MBNL2: variants seen among roughly 807,000 people sequenced by gnomAD.
The protein encoded by MBNL2 is muscleblind like splicing regulator 2.
Under a neutral mutation model 41.9 loss-of-function variants are expected in MBNL2, and 17 were observed. The ratio of observed to expected loss-of-function variants is 0.41; its 90% CI spans 0.28 to 0.61. The LOEUF is 0.61. MBNL2 is among the 20% of genes least tolerant of loss of function. The probability of loss-of-function intolerance (pLI) is 0.35; values close to 1 mark genes in which losing one functional copy is unlikely to be tolerated. For synonymous variants in MBNL2, 195 were observed against 182.9 expected (o/e 1.07, Z -0.53); for missense variants, 336 against 505.6 (o/e 0.66, Z 3.22).
chr13:97,187,693 G>A, the MBNL2 span, among the ~76,000 whole-genome samples: 1 of 149,968 alleles, frequency 6.7e-6, no homozygotes, highest in African/African-American at 2.4e-5. Flanking sequence ...AGATCACCAG[G>A]TCAGGAGATC....
In MBNL2 at chr13:97,328,141, A is replaced by G. The variant is rs74106916; in HGVS notation, c.175-6135A>G. On this transcript the variant is annotated intron_variant, in intron 2 of 8. Transcript: ENST00000679496. ...ACAGCAGCGCTGCATTTTAAATCCA[A>G]TTAGTCCAGTTCTGAGACGGTTTCC... Among the ~76,000 whole-genome samples, 203 of 149,874 alleles carry G rather than the reference A, an allele frequency of 1.4e-3. 1 individual carries two copies. Among genetic ancestry groups the G allele is most frequent in the African/African-American group, 4.6e-3 (188 of 40,622 alleles).
intron 1 of MBNL2, among the ~76,000 whole-genome samples, chr13:97,256,518 A>C (rs2047565071): frequency 6.6e-6 from 1 of 152,212 alleles, no homozygotes; most frequent in South Asian, 2.1e-4. Flanking sequence ...TACTGGAAAA[A>C]GTGAAGCAGA....
chr13:97,170,913 C>T, the MBNL2 span, among the ~76,000 whole-genome samples: 7 of 152,178 alleles, frequency 4.6e-5, no homozygotes, highest in Admixed American at 4.6e-4. Flanking sequence ...ATAAACATGT[C>T]TCCCAAAGCT....
the MBNL2 span, among the ~76,000 whole-genome samples, chr13:97,205,007 A>C: frequency 6.6e-6 from 1 of 152,026 alleles, no homozygotes; most frequent in Middle Eastern, 3.4e-3. Flanking sequence ...TGCCATCTTT[A>C]CTGAAAATAC....
At chr13:97,179,849 G>C in the MBNL2 span, among the ~76,000 whole-genome samples, 3 of 152,182 alleles carry the variant, frequency 2.0e-5, no homozygotes, top group Non-Finnish European at 2.9e-5. Context: ...AGAGAGTTAG[G>C]GGGTCAGTGA....
chr13:97,222,586 G>T, intron 1 of MBNL2, 55 bp downstream of exon 1: 2 of 395,956 alleles, frequency 5.1e-6, no homozygotes, highest in Admixed American at 4.4e-5. Flanking sequence ...GCAGTATGCT[G>T]CATTCCATGT....
the MBNL2 span, among the ~76,000 whole-genome samples, chr13:97,210,412 G>T: frequency 6.6e-6 from 1 of 152,002 alleles, no homozygotes; most frequent in African/African-American, 2.4e-5. Flanking sequence ...TGTCTTTGTG[G>T]CATAGCTTGT....
At chr13:97,380,856 C>T (rs1458507065) in intron 8 of MBNL2, among the ~76,000 whole-genome samples, 1 of 152,132 alleles carries the variant, frequency 6.6e-6, no homozygotes, top group Admixed American at 6.5e-5. Flanking sequence ...TGAGGGCTTA[C>T]TGGGGAGGGC....
intron 1 of MBNL2, among the ~76,000 whole-genome samples, chr13:97,270,498 T>C (rs1304491814): frequency 1.3e-5 from 2 of 152,208 alleles, no homozygotes; most frequent in Non-Finnish European, 2.9e-5. Context: ...AAAGTAAATT[T>C]ATATACTCAA....
chr13:97,354,304 G>A (rs376260439), intron 5 of MBNL2, among the ~76,000 whole-genome samples: 7 of 152,180 alleles, frequency 4.6e-5, no homozygotes, highest in African/African-American at 1.7e-4. Context: ...ATATGCAGCA[G>A]TCAAAATCAC....
intron 2 of MBNL2, among the ~76,000 whole-genome samples, chr13:97,295,583 G>T (rs931925900): frequency 6.6e-6 from 1 of 152,126 alleles, no homozygotes; most frequent in Admixed American, 6.5e-5. Flanking sequence ...TATCAAAAGG[G>T]TGTTGAGCTG....
intron 2 of MBNL2, among the ~76,000 whole-genome samples, chr13:97,293,397 G>A (rs1172445953): frequency 6.6e-6 from 1 of 151,996 alleles, no homozygotes; most frequent in African/African-American, 2.4e-5. Flanking sequence ...AAATAAAAAG[G>A]TACAGTTTTT....
the MBNL2 span, among the ~76,000 whole-genome samples, chr13:97,207,169 G>A: frequency 1.3e-5 from 2 of 152,190 alleles, no homozygotes; most frequent in South Asian, 2.1e-4. Context: ...CACACTCTAT[G>A]ATGGGCACTA....
chr13:97,184,069 C>A, the MBNL2 span, among the ~76,000 whole-genome samples: 2 of 152,246 alleles, frequency 1.3e-5, no homozygotes, highest in African/African-American at 4.8e-5. Flanking sequence ...CTATCTGATC[C>A]AAACCATGGG....
the MBNL2 span, among the ~76,000 whole-genome samples, chr13:97,188,662 CA>C: frequency 2.0e-5 from 3 of 149,766 alleles, no homozygotes; most frequent in Non-Finnish European, 4.4e-5. Flanking sequence ...AAAAAAAAGG[CA>C]AAGAGAACAT....
At chr13:97,181,122 C>T in the MBNL2 span, among the ~76,000 whole-genome samples, 19 of 151,970 alleles carry the variant, frequency 1.3e-4, no homozygotes, top group South Asian at 3.1e-3. Context: ...ACTTCTGCTT[C>T]CATTGTCACA....
At chr13:97,196,049 G>A in the MBNL2 span, among the ~76,000 whole-genome samples, 5 of 152,126 alleles carry the variant, frequency 3.3e-5, no homozygotes, top group African/African-American at 4.8e-5. Flanking sequence ...TACCCTTGCC[G>A]TGTCTCATAT....
intron 1 of MBNL2, among the ~76,000 whole-genome samples, chr13:97,261,180 A>T (rs1409022971): frequency 6.6e-6 from 1 of 151,986 alleles, no homozygotes; most frequent in Non-Finnish European, 1.5e-5. Flanking sequence ...TGTGCACAGC[A>T]CATGTGATTA....
chr13:97,350,707 T>G (rs968343124), intron 5 of MBNL2, among the ~76,000 whole-genome samples: 1 of 152,242 alleles, frequency 6.6e-6, no homozygotes, highest in African/African-American at 2.4e-5. Context: ...AGTTTTATCA[T>G]GAAATTGCAG....
Sources: allele counts gnomAD v4.1 joint callset (sites outside exome capture counted in the v4.1 genomes callset), GRCh38; gene constraint gnomAD v4.1.1; transcripts MANE v1.5; gene names NCBI Gene and HGNC (gene_info 2026-07-23, HGNC 2026-07-21).